OSTN: variants seen among roughly 807,000 people sequenced by gnomAD.
OSTN encodes the protein osteocrin.
In OSTN, 9 loss-of-function variants were observed where a neutral mutation model predicts 12.0. The ratio of observed to expected loss-of-function variants is 0.75; its 90% CI spans 0.45 to 1.30. The LOEUF is 1.30. OSTN is among the 50% of genes most tolerant of loss of function. OSTN has a pLI of 0.00. For missense variants in OSTN, 148 were observed against 152.3 expected (o/e 0.97, Z 0.15); for synonymous variants, 59 against 56.9 (o/e 1.04, Z -0.16).
chr3:191,235,757 T>A (rs908249274), intron 3 of OSTN, among the ~76,000 whole-genome samples: 3 of 152,156 alleles, frequency 2.0e-5, no homozygotes, highest in African/African-American at 7.2e-5. Context: ...AGGTCCCTTT[T>A]ATAATTGACC....
intron 3 of OSTN, among the ~76,000 whole-genome samples, chr3:191,242,524 A>AT (rs369027852): frequency 6.6e-6 from 1 of 152,060 alleles, no homozygotes; most frequent in Non-Finnish European, 1.5e-5. Flanking sequence ...AAGAAACATG[A>AT]TTTTTTACTC....
At chr3:191,261,287 T>G (rs1715804394) in intron 4 of OSTN, among the ~76,000 whole-genome samples, 1 of 152,162 alleles carries the variant, frequency 6.6e-6, no homozygotes, top group Non-Finnish European at 1.5e-5. Context: ...CAGGGGAGCC[T>G]TCAGAATGAA....
chr3:191,241,766 A>G (rs1715327252), intron 3 of OSTN, among the ~76,000 whole-genome samples: 1 of 152,222 alleles, frequency 6.6e-6, no homozygotes, highest in Non-Finnish European at 1.5e-5. Context: ...AAGCCTTACA[A>G]GTTTTAAAGG....
At chr3:191,248,991 T>C (rs766930046) in intron 3 of OSTN, among the ~76,000 whole-genome samples, 3 of 152,248 alleles carry the variant, frequency 2.0e-5, no homozygotes, top group Non-Finnish European at 4.4e-5. Context: ...GTTTGTCTGC[T>C]GGCAATGTTC....
chr3:191,260,180 ATTGT>A (rs1192062337), intron 4 of OSTN, among the ~76,000 whole-genome samples: 1 of 151,638 alleles, frequency 6.6e-6, no homozygotes, highest in Non-Finnish European at 1.5e-5. Context: ...CTTCGCATCA[ATTGT>A]TTGGTGTAAG....
At chr3:191,247,838 C>CTT (rs1267446575) in intron 3 of OSTN, among the ~76,000 whole-genome samples, 1 of 152,132 alleles carries the variant, frequency 6.6e-6, no homozygotes, top group Non-Finnish European at 1.5e-5. Flanking sequence ...CTTTCCCAGA[C>CTT]TTTTTCTTCC....
At chr3:191,212,719 TA>T (rs948686978) in intron 2 of OSTN, 85 bp downstream of exon 2, 12 of 319,300 alleles carry the variant, frequency 3.8e-5, no homozygotes, top group African/African-American at 2.5e-4. Context: ...GAATATATAT[TA>T]AAATATATTT....
At chr3:191,200,843 T>C (rs1351193032) in intron 1 of OSTN, among the ~76,000 whole-genome samples, 1 of 152,182 alleles carries the variant, frequency 6.6e-6, no homozygotes, top group Non-Finnish European at 1.5e-5. Context: ...AGACAACTTT[T>C]GCTTAGATTC....
chr3:191,224,378 G>GAA (rs77662219), intron 3 of OSTN, among the ~76,000 whole-genome samples: 6 of 67,966 alleles, frequency 8.8e-5, no homozygotes, highest in East Asian at 6.4e-4. Context: ...CTCCATCTCA[G>GAA]AAAAAAAAAA....
chr3:191,244,493 GT>G (rs1715388189), intron 3 of OSTN, among the ~76,000 whole-genome samples: 1 of 150,612 alleles, frequency 6.6e-6, no homozygotes, highest in African/African-American at 2.4e-5. Context: ...TTCTCTTTTG[GT>G]TTCAAGATTA....
At chr3:191,209,807 C>T (rs1467567801) in intron 1 of OSTN, among the ~76,000 whole-genome samples, 3 of 151,792 alleles carry the variant, frequency 2.0e-5, no homozygotes, top group Non-Finnish European at 2.9e-5. Flanking sequence ...GAATGTGGGC[C>T]AAAGTTTTAT....
chr3:191,252,677 A>G (rs1715586527), intron 4 of OSTN, among the ~76,000 whole-genome samples: 1 of 152,198 alleles, frequency 6.6e-6, no homozygotes, highest in Non-Finnish European at 1.5e-5. Flanking sequence ...CATCACTGTC[A>G]CCAAGATTTC....
At chr3:191,235,696 T>G (rs1426812873) in intron 3 of OSTN, among the ~76,000 whole-genome samples, 1 of 152,174 alleles carries the variant, frequency 6.6e-6, no homozygotes, top group Non-Finnish European at 1.5e-5. Flanking sequence ...ACCATCAGCA[T>G]CCTGATGAGT....
chr3:191,235,582 G>T (rs1046778489), intron 3 of OSTN, among the ~76,000 whole-genome samples: 3 of 152,192 alleles, frequency 2.0e-5, no homozygotes, highest in Admixed American at 6.5e-5. Flanking sequence ...CCCCCAGTGC[G>T]AATAGTAACA....
rs879550005 is a variant in OSTN at position 191,264,151 on chromosome 3, A to G, written c.*1298A>G. 6.6e-6 allele frequency: 1 copy of G among 152,124 alleles called. No homozygotes were observed. The highest frequency in any genetic ancestry group is 1.5e-5 in the Non-Finnish European group (1 of 67,980). The allele number at this position is 152,124 out of a possible 1,614,324, so 9.4% of individuals were successfully genotyped here. A position where few individuals can be genotyped will look rare whatever the true frequency, so the allele number is the denominator to read the frequency against. On this transcript the variant is annotated 3_prime_UTR_variant, in exon 5 of 5. Transcript: ENST00000682035. ...GTTGTGAGAAGGTGTCTTAATTTTA[A>G]AGGAAGAGGAGAGAAATGGGCAATT... is the stretch of plus-strand genomic sequence containing the variant.
At chr3:191,209,795 A>G (rs1280263074) in intron 1 of OSTN, among the ~76,000 whole-genome samples, 1 of 152,120 alleles carries the variant, frequency 6.6e-6, no homozygotes, top group Non-Finnish European at 1.5e-5. Context: ...TTGTTTTTTT[A>G]GGAATGTGGG....
At chr3:191,223,167 G>T (rs1006593904) in intron 3 of OSTN, among the ~76,000 whole-genome samples, 2 of 152,074 alleles carry the variant, frequency 1.3e-5, no homozygotes, top group African/African-American at 2.4e-5. Context: ...AATCTATCTA[G>T]CTAGCTATCA....
rs541177014 is a variant in OSTN at position 191,265,588 on chromosome 3, C to T, written c.*2735C>T. ...ATGCTTGAATATGGTTCAACTTTTCCAAAGTTAATAAACAAGGGATGATGA... is the reference window on the plus strand; with the variant it reads ...ATGCTTGAATATGGTTCAACTTTTCTAAAGTTAATAAACAAGGGATGATGA... On this transcript the variant is annotated 3_prime_UTR_variant, in exon 5 of 5. Coordinates refer to ENST00000682035, the MANE Select transcript of OSTN (RefSeq NM_198184.2). 2.0e-5 allele frequency: 3 copies of T among 152,268 alleles called. No homozygotes were observed. The highest frequency in any genetic ancestry group is 1.9e-4 in the East Asian group (1 of 5,182). 9.4% of individuals were successfully genotyped at this position (152,268 alleles called of 1,614,324 possible). A position where few individuals can be genotyped will look rare whatever the true frequency, so the allele number is the denominator to read the frequency against.
intron 3 of OSTN, among the ~76,000 whole-genome samples, chr3:191,240,385 A>C (rs1386035484): frequency 6.6e-6 from 1 of 152,154 alleles, no homozygotes; most frequent in Non-Finnish European, 1.5e-5. Flanking sequence ...ATGGATGATC[A>C]TTTATTTTTT....
Sources: gnomAD v4.1 joint callset for allele counts (sites outside exome capture counted in the v4.1 genomes callset) on GRCh38, gnomAD v4.1.1 for gene constraint, MANE v1.5 for transcripts, NCBI Gene and HGNC (gene_info 2026-07-23, HGNC 2026-07-21) for gene names.